DEFB124: variants seen among roughly 807,000 people sequenced by gnomAD.
The protein encoded by DEFB124 is defensin beta 124.
For synonymous variants in DEFB124, 38 were observed against 36.5 expected (o/e 1.04, Z -0.15); for missense variants, 78 against 83.1 (o/e 0.94, Z 0.24).
At chr20:31,470,004 C>T (rs1980190103) in intron 2 of DEFB124, among the ~76,000 whole-genome samples, 1 of 149,840 alleles carries the variant, frequency 6.7e-6, no homozygotes, top group Admixed American at 6.6e-5. Context: ...AGAGGGGCTC[C>T]TCACTTCCCA....
At chr20:31,466,827 A>G (rs535710082) in intron 2 of DEFB124, among the ~76,000 whole-genome samples, 33 of 151,992 alleles carry the variant, frequency 2.2e-4, no homozygotes, top group Non-Finnish European at 4.7e-4. Flanking sequence ...TGCTCCCTCC[A>G]AGGGTCTTTG....
At chr20:31,472,742 AT>A in intron 2 of DEFB124, 1 of 468,530 alleles carries the variant, frequency 2.1e-6, no homozygotes, top group East Asian at 3.3e-5. Flanking sequence ...ATAAATGAAT[AT>A]TTATTGAGAG....
At chr20:31,470,150 G>C (rs1268441378) in intron 2 of DEFB124, among the ~76,000 whole-genome samples, 1 of 134,326 alleles carries the variant, frequency 7.4e-6, no homozygotes, top group Non-Finnish European at 1.6e-5. Context: ...TAGTAGGGGC[G>C]GCCGGGCAGA....
At chr20:31,473,066 G>A (rs1227792353) in intron 1 of DEFB124, 28 bp from the exon 2 acceptor site, 32 of 1,597,080 alleles carry the variant, frequency 2.0e-5, no homozygotes, top group East Asian at 8.9e-5. Flanking sequence ...GGAAAGACCC[G>A]AGCAGGCTGA....
intron 2 of DEFB124, among the ~76,000 whole-genome samples, chr20:31,470,516 G>A (rs1326153392): frequency 1.6e-5 from 2 of 126,016 alleles, no homozygotes; most frequent in African/African-American, 6.1e-5. Context: ...GGGCAGAGGC[G>A]CCCCTCACTT....
rs546631888 is a variant in DEFB124, at chr20:31,468,482, AT to A, written c.59-2820del. Among the ~76,000 whole-genome samples, 694 of 143,178 alleles carry A rather than the reference AT, an allele frequency of 4.8e-3. 1 individual carries two copies. The highest frequency in any genetic ancestry group is 7.2e-3 in the Middle Eastern group (2 of 278). The allele number at this position is 143,178 out of a possible 152,430, so 93.9% of individuals were successfully genotyped here. A position where few individuals can be genotyped will look rare whatever the true frequency, so the allele number is the denominator to read the frequency against. ...AGGGCTCTTTTTATTTTCTTTTTCT[AT>A]TTTTTTTTTTTAAGACAGAGTCTCA... On this transcript the variant is annotated intron_variant, in intron 2 of 2. Coordinates refer to ENST00000317676, the MANE Select transcript of DEFB124 (RefSeq NM_001037500.2).
chr20:31,471,791 C>T (rs1470471250), intron 2 of DEFB124, among the ~76,000 whole-genome samples: 1 of 149,950 alleles, frequency 6.7e-6, no homozygotes, highest in Non-Finnish European at 1.5e-5. Flanking sequence ...GCGCTCCCCA[C>T]ATCTCAGACG....
rs576359085 is a variant in DEFB124 at position 31,470,068 on chromosome 20, G to C, written c.58+2888C>G. On this transcript the variant is annotated intron_variant, in intron 2 of 2. Coordinates refer to ENST00000317676, the MANE Select transcript of DEFB124 (RefSeq NM_001037500.2). ...CACCTCCCGGACGGGGCGGCTGGAC[G>C]GGCAGGGGGCTGACCCCCCCACCTC... is the stretch of plus-strand genomic sequence containing the variant. 7.6e-5 allele frequency among the ~76,000 whole-genome samples: 10 copies of C among 132,350 alleles called. No individual in the cohort carries two copies. The South Asian group carries it at 2.0e-3, about 26-fold the overall frequency. The allele number at this position is 132,350 out of a possible 152,430, so 86.8% of individuals were successfully genotyped here.
At chr20:31,473,247 G>A (rs1000668277) in intron 1 of DEFB124, among the ~76,000 whole-genome samples, 1 of 152,176 alleles carries the variant, frequency 6.6e-6, no homozygotes, top group African/African-American at 2.4e-5. Flanking sequence ...AGCTCGGAAG[G>A]GGAGGTAGAA....
chr20:31,471,436 G>T, intron 2 of DEFB124, among the ~76,000 whole-genome samples: 1 of 125,592 alleles, frequency 8.0e-6, no homozygotes, highest in African/African-American at 3.3e-5. Context: ...CCTCCCGGAC[G>T]GGGCGGCTGG....
Position 31,468,726 on chromosome 20 carries a change from C to A in DEFB124, c.59-3063G>T, listed in dbSNP as rs550888664. Among the ~76,000 whole-genome samples, 526 of 152,150 alleles carry A rather than the reference C, an allele frequency of 3.5e-3. 2 individuals are homozygous for A. The highest frequency in any genetic ancestry group is 4.7e-3 in the Non-Finnish European group (319 of 67,990). ...TCTTGACCTCATGATCCACCCGCCT[C>A]GGCCTCCCAAAGTGCTGGGATTACA... On this transcript the variant is annotated intron_variant, in intron 2 of 2. Transcript: ENST00000317676.
intron 2 of DEFB124, among the ~76,000 whole-genome samples, chr20:31,471,071 C>T (rs1440582273): frequency 8.5e-5 from 12 of 140,706 alleles, no homozygotes; most frequent in African/African-American, 3.2e-4. Context: ...CCCCCACCTC[C>T]CTCCCGGACG....
intron 2 of DEFB124, among the ~76,000 whole-genome samples, chr20:31,467,042 T>C (rs543255426): frequency 2.0e-5 from 3 of 152,324 alleles, no homozygotes; most frequent in African/African-American, 7.2e-5. Context: ...GGTACTGTGA[T>C]GGCCAGTTAG....
intron 2 of DEFB124, among the ~76,000 whole-genome samples, chr20:31,466,275 C>T (rs1025285213): frequency 6.6e-6 from 1 of 152,036 alleles, no homozygotes; most frequent in Admixed American, 6.6e-5. Flanking sequence ...CCCTGCTATA[C>T]AGGTAAGGAA....
chr20:31,466,341 T>C (rs147365913), intron 2 of DEFB124, among the ~76,000 whole-genome samples: 463 of 152,016 alleles, frequency 3.0e-3, no homozygotes, highest in African/African-American at 0.011. Flanking sequence ...GGCTCACGCC[T>C]GTAATCTCAG....
chr20:31,466,670 T>G (rs1414911360), intron 2 of DEFB124, among the ~76,000 whole-genome samples: 1 of 148,362 alleles, frequency 6.7e-6, no homozygotes, highest in Non-Finnish European at 1.5e-5. Context: ...GAATTTGGAC[T>G]CAAACCCAAG....
chr20:31,471,162 G>A (rs1425691276), intron 2 of DEFB124, among the ~76,000 whole-genome samples: 6 of 131,196 alleles, frequency 4.6e-5, no homozygotes, highest in Admixed American at 3.0e-4. Context: ...CCTCCCGGAC[G>A]AGGCGGCTGG....
chr20:31,471,579 G>C (rs1178914839), intron 2 of DEFB124, among the ~76,000 whole-genome samples: 1 of 148,826 alleles, frequency 6.7e-6, no homozygotes, highest in East Asian at 2.0e-4. Flanking sequence ...GGCGGCTGCC[G>C]GGCGGAGACG....
At chr20:31,471,229 G>A (rs568383235) in intron 2 of DEFB124, among the ~76,000 whole-genome samples, 1,708 of 136,276 alleles carry the variant, frequency 0.013, 38 homozygotes, top group African/African-American at 0.046. Flanking sequence ...TAGCCAGGCA[G>A]AGGGGCTCCT....
Sources: gnomAD v4.1 joint callset for allele counts (sites outside exome capture counted in the v4.1 genomes callset) on GRCh38, gnomAD v4.1.1 for gene constraint, MANE v1.5 for transcripts, NCBI Gene and HGNC (gene_info 2026-07-23, HGNC 2026-07-21) for gene names.